Variants in NLRC4 observed in about 807,000 individuals in gnomAD.
The protein encoded by NLRC4 is NLR family CARD domain containing 4, also known as NLR family CARD domain-containing protein 4.
NLRC4 carries 63 observed loss-of-function variants against 79.9 expected under a neutral mutation model. The ratio of observed to expected loss-of-function variants is 0.79; its 90% CI spans 0.64 to 0.97. The LOEUF (loss-of-function observed/expected upper bound fraction) is 0.97. Ranked by LOEUF, NLRC4 falls within the 50% of genes least tolerant of loss-of-function variation. NLRC4 has a pLI of 0.00. For missense variants in NLRC4, 1,074 were observed against 1,215.2 expected (o/e 0.88, Z 1.73); for synonymous variants, 461 against 456.5 (o/e 1.01, Z -0.12).
chr2:32,243,410 G>A (rs947107245), intron 4 of NLRC4, among the ~76,000 whole-genome samples: 29 of 151,026 alleles, frequency 1.9e-4, no homozygotes, highest in Non-Finnish European at 3.4e-4. Flanking sequence ...ACCCCATCTC[G>A]AAAAGAAAGA....
chr2:32,243,568 G>A (rs1005133115), intron 4 of NLRC4, among the ~76,000 whole-genome samples: 2 of 150,654 alleles, frequency 1.3e-5, no homozygotes, highest in African/African-American at 4.9e-5. Flanking sequence ...TTGGGAGGCC[G>A]AGGCAGGTGG....
At chr2:32,253,369 C>G (rs1349237603) in intron 2 of NLRC4, among the ~76,000 whole-genome samples, 2 of 151,724 alleles carry the variant, frequency 1.3e-5, no homozygotes, top group South Asian at 4.2e-4. Flanking sequence ...AGACTGGTCT[C>G]GAACTCCTGA....
At chr2:32,227,317 T>C (rs1014932202) in intron 8 of NLRC4, among the ~76,000 whole-genome samples, 32 of 152,342 alleles carry the variant, frequency 2.1e-4, no homozygotes, top group Middle Eastern at 3.4e-3. Flanking sequence ...GTCTCTGTTA[T>C]CACAGCGTAG....
chr2:32,238,919 A>G (rs536182067), intron 5 of NLRC4, among the ~76,000 whole-genome samples: 1 of 152,336 alleles, frequency 6.6e-6, no homozygotes, highest in South Asian at 2.1e-4. Flanking sequence ...AGGATTGGTT[A>G]GGCCTCACTT....
intron 4 of NLRC4, among the ~76,000 whole-genome samples, chr2:32,243,226 T>C (rs1325872734): frequency 6.6e-6 from 1 of 151,142 alleles, no homozygotes; most frequent in African/African-American, 2.4e-5. Flanking sequence ...CTGGCCAACA[T>C]GGTGAAACTC....
At chr2:32,233,340 TA>T (rs1686593871) in intron 8 of NLRC4, among the ~76,000 whole-genome samples, 2 of 45,456 alleles carry the variant, frequency 4.4e-5, no homozygotes, top group African/African-American at 1.1e-4. Flanking sequence ...TATATATATA[TA>T]TATATATATT....
chr2:32,228,437 A>G (rs1181748357), intron 8 of NLRC4, among the ~76,000 whole-genome samples: 6 of 152,182 alleles, frequency 3.9e-5, no homozygotes, highest in Non-Finnish European at 5.9e-5. Flanking sequence ...AGAACTCCCT[A>G]TCAACTTGTG....
At chr2:32,225,653 C>G (rs1216108735) in intron 8 of NLRC4, among the ~76,000 whole-genome samples, 1 of 152,164 alleles carries the variant, frequency 6.6e-6, no homozygotes, top group Non-Finnish European at 1.5e-5. Flanking sequence ...AAGCGTTAGC[C>G]CTACCCACCT....
At chr2:32,261,927 A>C (rs767566461) in intron 1 of NLRC4, among the ~76,000 whole-genome samples, 1 of 151,518 alleles carries the variant, frequency 6.6e-6, no homozygotes, top group Admixed American at 6.6e-5. Context: ...CTAAAAATAC[A>C]AGAATTAGCC....
At chr2:32,241,385 T>C (rs1686796636) in intron 4 of NLRC4, among the ~76,000 whole-genome samples, 1 of 140,288 alleles carries the variant, frequency 7.1e-6, no homozygotes, top group Non-Finnish European at 1.5e-5. Context: ...TTTTTTTTTT[T>C]TTTTTTTTTG....
chr2:32,251,706 G>A, intron 3 of NLRC4, 105 bp from the exon 4 acceptor site: 1 of 753,978 alleles, frequency 1.3e-6, no homozygotes, highest in South Asian at 1.8e-5. Context: ...TCTGCCATTG[G>A]TGAATGTAAT....
intron 8 of NLRC4, among the ~76,000 whole-genome samples, chr2:32,230,412 G>A (rs537986802): frequency 1.3e-5 from 2 of 151,582 alleles, no homozygotes; most frequent in South Asian, 2.1e-4. Flanking sequence ...TGACCCACCC[G>A]CCTTGGCCTC....
intron 4 of NLRC4, among the ~76,000 whole-genome samples, chr2:32,244,519 A>G (rs1419701213): frequency 6.6e-6 from 1 of 152,112 alleles, no homozygotes; most frequent in African/African-American, 2.4e-5. Context: ...ACATTGTACT[A>G]CAAGTCCTAG....
At chr2:32,252,321 A>C (rs1461584051) in intron 3 of NLRC4, 98 bp downstream of exon 3, 2 of 873,676 alleles carry the variant, frequency 2.3e-6, no homozygotes, top group Non-Finnish European at 3.7e-6. Context: ...AGGTGATATG[A>C]AGAGAAGGAA....
At chr2:32,259,967 G>A (rs1325737712) in intron 1 of NLRC4, among the ~76,000 whole-genome samples, 2 of 152,074 alleles carry the variant, frequency 1.3e-5, no homozygotes, top group East Asian at 1.9e-4. Context: ...GGTGGCTCAC[G>A]CCTGTAATCC....
At chr2:32,245,118 T>G (rs1395094248) in intron 4 of NLRC4, among the ~76,000 whole-genome samples, 1 of 151,962 alleles carries the variant, frequency 6.6e-6, no homozygotes, top group Non-Finnish European at 1.5e-5. Flanking sequence ...AAGGCCAGCC[T>G]GGTCAACATG....
intron 1 of NLRC4, among the ~76,000 whole-genome samples, chr2:32,262,826 G>A (rs114960233): frequency 5.4e-4 from 82 of 151,726 alleles, no homozygotes; most frequent in African/African-American, 2.0e-3. Flanking sequence ...CTCTTGGAAT[G>A]TAGCTATGGC....
At chr2:32,240,234 G>A (rs1396330788) in intron 5 of NLRC4, among the ~76,000 whole-genome samples, 1 of 152,098 alleles carries the variant, frequency 6.6e-6, no homozygotes, top group African/African-American at 2.4e-5. Flanking sequence ...ATCTGCCTCG[G>A]CCTCCCAGAG....
chr2:32,259,445 A>G (rs1324210957), intron 1 of NLRC4, among the ~76,000 whole-genome samples: 1 of 151,858 alleles, frequency 6.6e-6, no homozygotes, highest in African/African-American at 2.4e-5. Flanking sequence ...TTTCAAACAT[A>G]GAGAAAATCC....
Sources: gnomAD v4.1 joint callset for allele counts (sites outside exome capture counted in the v4.1 genomes callset) on GRCh38, gnomAD v4.1.1 for gene constraint, MANE v1.5 for transcripts, NCBI Gene and HGNC (gene_info 2026-07-23, HGNC 2026-07-21) for gene names.